The following EPHA3 variants were observed in gnomAD, a reference collection of about 807,000 sequenced individuals.
EPHA3 encodes the protein EPH receptor A3.
A neutral mutation model predicts 107.1 loss-of-function variants in EPHA3; 42 were observed. The observed-to-expected ratio is 0.39, with a 90% CI of 0.31 to 0.51. EPHA3 has a LOEUF of 0.51. EPHA3 is among the 20% of genes least tolerant of loss of function. The pLI is 0.78. For synonymous variants in EPHA3, 461 were observed against 424.8 expected, an observed-to-expected ratio of 1.09 and a Z score of -1.05; for missense variants, 1,183 against 1,211.2, an observed-to-expected ratio of 0.98 and a Z score of 0.35.
intron 3 of EPHA3, among the ~76,000 whole-genome samples, chr3:89,267,239 A>G (rs1266251211): frequency 1.3e-5 from 2 of 152,142 alleles, no homozygotes; most frequent in Non-Finnish European, 2.9e-5. Context: ...TATAGTATCA[A>G]TGATAGAAAC....
chr3:89,219,687 TG>T (rs1462366068), intron 3 of EPHA3, among the ~76,000 whole-genome samples: 80 of 23,174 alleles, frequency 3.5e-3, no homozygotes, highest in Middle Eastern at 0.028. Flanking sequence ...CATTTGGCAA[TG>T]TTTTTTTTTT....
Position 89,383,639 on chromosome 3 carries a change from CTT to C in EPHA3, c.1307-12172_1307-12171del, listed in dbSNP as rs71621546. Among the ~76,000 whole-genome samples the C allele has an allele frequency of 1.3e-3, 113 of 87,960 alleles. 2 individuals carry two copies. The highest frequency in any genetic ancestry group is 4.7e-3 in the African/African-American group (110 of 23,334). The allele number at this position is 87,960 out of a possible 152,430, so 57.7% of individuals were successfully genotyped here. ...CAGTGTGGTCAGCCTACTTCTTCTT[CTT>C]TTTTTTTTTTTTTTTTTTTTTTTTT... On this transcript the variant is annotated intron_variant, in intron 5 of 16. Coordinates refer to ENST00000336596, the MANE Select transcript of EPHA3 (RefSeq NM_005233.6).
At chr3:89,369,136 A>G (rs1180109208) in intron 5 of EPHA3, among the ~76,000 whole-genome samples, 1 of 150,552 alleles carries the variant, frequency 6.6e-6, no homozygotes, top group East Asian at 1.9e-4. Flanking sequence ...TTTCTTGAGA[A>G]CTCAAGGAAT....
rs201849583 is a variant in EPHA3, at chr3:89,450,376, A to G, written c.2690+6A>G. The G allele has an allele frequency of 3.2e-5, 52 of 1,604,214 alleles. No homozygotes were observed. The highest frequency in any genetic ancestry group is 4.3e-5 in the Non-Finnish European group (50 of 1,174,036). Reference sequence around the variant, plus strand: ...ATCACCAGTGCAGCCGCAAGGTGACACATTCAATTTGTTATCTGGCATTCA... The same window carrying G: ...ATCACCAGTGCAGCCGCAAGGTGACGCATTCAATTTGTTATCTGGCATTCA... On this transcript the variant is annotated splice_donor_region_variant and intron_variant, in intron 15 of 16. Coordinates refer to ENST00000336596, the MANE Select transcript of EPHA3 (RefSeq NM_005233.6).
chr3:89,197,043 T>A (rs1278985818), intron 2 of EPHA3, among the ~76,000 whole-genome samples: 1 of 152,172 alleles, frequency 6.6e-6, no homozygotes, highest in Non-Finnish European at 1.5e-5. Context: ...GACCTTTTTA[T>A]GACATGATTC....
intron 3 of EPHA3, among the ~76,000 whole-genome samples, chr3:89,261,098 T>C (rs1211662477): frequency 1.3e-5 from 2 of 152,242 alleles, no homozygotes; most frequent in African/African-American, 2.4e-5. Flanking sequence ...GATGATGAGA[T>C]GGCAGAGGAA....
chr3:89,470,873 T>C (rs545770894), intron 15 of EPHA3, among the ~76,000 whole-genome samples: 3 of 152,342 alleles, frequency 2.0e-5, no homozygotes, highest in Non-Finnish European at 4.4e-5. Flanking sequence ...TCTCAGAGGA[T>C]AGCATCAGTG....
rs566499280 is a variant in EPHA3 at position 89,226,342 on chromosome 3, G to C, written c.814+15822G>C. Reference sequence around the variant, plus strand: ...TTTAAAATGTTCAACACAGGTCCTGGCACCTAACAAGTACTTTATAAGTGT... The same window carrying C: ...TTTAAAATGTTCAACACAGGTCCTGCCACCTAACAAGTACTTTATAAGTGT... On this transcript the variant is annotated intron_variant, in intron 3 of 16. Coordinates refer to ENST00000336596, the MANE Select transcript of EPHA3 (RefSeq NM_005233.6). 2.2e-4 allele frequency among the ~76,000 whole-genome samples: 33 copies of C among 152,198 alleles called. No individual in the cohort carries two copies. The South Asian group carries it at 4.6e-3, about 21-fold the overall frequency.
At chr3:89,176,471 T>A (rs1327253607) in intron 2 of EPHA3, among the ~76,000 whole-genome samples, 1 of 136,958 alleles carries the variant, frequency 7.3e-6, no homozygotes, top group Non-Finnish European at 1.5e-5. Context: ...TACTCCACCC[T>A]GGGTGACAGA....
chr3:89,139,967 A>C (rs563839169), intron 2 of EPHA3, among the ~76,000 whole-genome samples: 21 of 152,006 alleles, frequency 1.4e-4, no homozygotes, highest in African/African-American at 4.6e-4. Flanking sequence ...CAGCAGACAA[A>C]ATAGAGCTAC....
Position 89,449,426 on chromosome 3 carries a change from T to C in EPHA3, c.2496+52T>C, listed in dbSNP as rs538873193. 1.1e-4 allele frequency: 159 copies of C among 1,445,338 alleles called. 6 individuals carry two copies. The South Asian group carries it at 2.5e-3, about 23-fold the overall frequency. 89.5% of individuals were successfully genotyped at this position (1,445,338 alleles called of 1,614,324 possible). On this transcript the variant is annotated intron_variant, in intron 14 of 16. Transcript: ENST00000336596. The stretch of plus-strand genomic sequence containing the variant: ...GAGTTCAGATGAAAAGATCAAGCTG[T>C]GCAAGGAAGTGGAACATAATGTAAC...
At chr3:89,216,039 T>C (rs1351207330) in intron 3 of EPHA3, among the ~76,000 whole-genome samples, 1 of 151,960 alleles carries the variant, frequency 6.6e-6, no homozygotes, top group Non-Finnish European at 1.5e-5. Flanking sequence ...TTTTAGATGC[T>C]TTGACTGGTC....
chr3:89,171,799 A>G (rs1395991806), intron 2 of EPHA3, among the ~76,000 whole-genome samples: 2 of 151,974 alleles, frequency 1.3e-5, no homozygotes, highest in African/African-American at 4.8e-5. Context: ...CTGACTTAAA[A>G]CTCCTTTGAA....
chr3:89,319,652 T>A (rs1294521989), intron 3 of EPHA3, among the ~76,000 whole-genome samples: 1 of 151,978 alleles, frequency 6.6e-6, no homozygotes. Context: ...GGGCCCTCTC[T>A]TATGGCTCAA....
chr3:89,314,507 A>G (rs1220492722), intron 3 of EPHA3, among the ~76,000 whole-genome samples: 4 of 152,020 alleles, frequency 2.6e-5, no homozygotes, highest in Non-Finnish European at 4.4e-5. Flanking sequence ...GTGAAAGCTC[A>G]TGCAAATAAA....
At chr3:89,322,496 C>A (rs1411215625) in intron 3 of EPHA3, among the ~76,000 whole-genome samples, 1 of 151,964 alleles carries the variant, frequency 6.6e-6, no homozygotes, top group Non-Finnish European at 1.5e-5. Flanking sequence ...ACTGGGAAAA[C>A]TAAAGTATTT....
At chr3:89,156,397 G>T (rs1378761773) in intron 2 of EPHA3, among the ~76,000 whole-genome samples, 2 of 152,086 alleles carry the variant, frequency 1.3e-5, no homozygotes, top group African/African-American at 4.8e-5. Flanking sequence ...TGAGGAGCAA[G>T]TGCTCTTATT....
intron 5 of EPHA3, 52 bp downstream of exon 5, chr3:89,342,142 G>C (rs375810644): frequency 1.4e-6 from 2 of 1,473,534 alleles, no homozygotes; most frequent in Non-Finnish European, 1.8e-6. Flanking sequence ...TCTGAGTAAT[G>C]GTTTTGACTC....
intron 7 of EPHA3, among the ~76,000 whole-genome samples, chr3:89,402,910 T>C (rs554183706): frequency 1.9e-3 from 283 of 152,262 alleles, no homozygotes; most frequent in Non-Finnish European, 2.0e-3. Context: ...ACTCCTGACC[T>C]CAAGTAATCC....
Sources: allele counts gnomAD v4.1 joint callset (sites outside exome capture counted in the v4.1 genomes callset), GRCh38; gene constraint gnomAD v4.1.1; transcripts MANE v1.5; gene names NCBI Gene and HGNC (gene_info 2026-07-23, HGNC 2026-07-21).